The following NKAIN1 variants were observed in gnomAD, a reference collection of about 807,000 sequenced individuals.
NKAIN1 encodes the protein sodium/potassium transporting ATPase interacting 1.
A neutral mutation model predicts 31.6 loss-of-function variants in NKAIN1; 13 were observed. That is an observed-to-expected ratio of 0.41 (90% CI 0.27 to 0.65). The LOEUF (loss-of-function observed/expected upper bound fraction) is 0.65. NKAIN1 is among the 30% of genes least tolerant of loss of function. The pLI is 0.30. For synonymous variants in NKAIN1, 104 were observed against 109.0 expected (o/e 0.95, Z 0.28); for missense variants, 193 against 262.2 (o/e 0.74, Z 1.82).
chr1:31,218,435 C>G (rs1312898347), intron 1 of NKAIN1, among the ~76,000 whole-genome samples: 2 of 152,156 alleles, frequency 1.3e-5, no homozygotes, highest in Non-Finnish European at 2.9e-5. Flanking sequence ...GATTCTCTCA[C>G]TGAATTTGCT....
At chr1:31,231,994 C>T (rs1645653412) in intron 1 of NKAIN1, among the ~76,000 whole-genome samples, 3 of 151,684 alleles carry the variant, frequency 2.0e-5, no homozygotes, top group Admixed American at 2.0e-4. Context: ...TCATGGCTCA[C>T]TGCAGCCTCA....
intron 1 of NKAIN1, among the ~76,000 whole-genome samples, chr1:31,198,354 T>C (rs1645347191): frequency 6.6e-6 from 1 of 152,176 alleles, no homozygotes; most frequent in Non-Finnish European, 1.5e-5. Context: ...AGCTGCATTC[T>C]AACCAATGAC....
chr1:31,184,109 A>G, intron 3 of NKAIN1, 95 bp from the exon 4 acceptor site: 2 of 1,104,622 alleles, frequency 1.8e-6, no homozygotes, highest in South Asian at 3.2e-5. Flanking sequence ...CGGTGAAGGG[A>G]TTCAGGGAGC....
intron 2 of NKAIN1, among the ~76,000 whole-genome samples, chr1:31,187,046 G>A (rs1446710843): frequency 6.6e-6 from 1 of 152,180 alleles, no homozygotes; most frequent in Non-Finnish European, 1.5e-5. Context: ...TGGTGTCTGG[G>A]GCTTTCCTGA....
intron 1 of NKAIN1, among the ~76,000 whole-genome samples, chr1:31,194,381 T>C (rs1375590190): frequency 1.3e-5 from 2 of 151,596 alleles, no homozygotes; most frequent in Non-Finnish European, 2.9e-5. Context: ...CTTCCCTTTT[T>C]CTTTCCTTTT....
At chr1:31,189,098 G>A (rs1303273058) in intron 1 of NKAIN1, among the ~76,000 whole-genome samples, 3 of 151,896 alleles carry the variant, frequency 2.0e-5, no homozygotes, top group East Asian at 1.9e-4. Context: ...TTGTGAACAA[G>A]CCCCAGCTGA....
intron 1 of NKAIN1, among the ~76,000 whole-genome samples, chr1:31,224,009 T>G (rs1290162146): frequency 6.6e-6 from 1 of 152,206 alleles, no homozygotes; most frequent in African/African-American, 2.4e-5. Context: ...TAACTCAGTA[T>G]GCAAGACAGA....
intron 2 of NKAIN1, among the ~76,000 whole-genome samples, chr1:31,186,394 GTTT>G (rs11303246): frequency 8.2e-5 from 8 of 97,272 alleles, no homozygotes; most frequent in Non-Finnish European, 1.4e-4. Flanking sequence ...ATTCTTTTGT[GTTT>G]TTTTTTTTTT....
chr1:31,227,742 T>C (rs1645618674), intron 1 of NKAIN1, among the ~76,000 whole-genome samples: 1 of 152,164 alleles, frequency 6.6e-6, no homozygotes, highest in African/African-American at 2.4e-5. Flanking sequence ...GATTCCATGA[T>C]AGCGTGAGAT....
chr1:31,181,428 A>G lies in NKAIN1; in HGVS notation c.*275T>C. The G allele has an allele frequency of 2.6e-6, 1 of 388,302 alleles. No individual in the cohort carries two copies. Among genetic ancestry groups the G allele is most frequent in the Non-Finnish European group, 4.6e-6 (1 of 219,496 alleles). 24.1% of individuals were successfully genotyped at this position (388,302 alleles called of 1,614,324 possible). On this transcript the variant is annotated 3_prime_UTR_variant, in exon 7 of 7. Coordinates refer to ENST00000373736, the MANE Select transcript of NKAIN1 (RefSeq NM_024522.3). ...GGCCCCAGCTCACGCCAAGGCTGAGATTAAAAACAAACAAACAAAAAACAA... is the reference window on the plus strand; with the variant it reads ...GGCCCCAGCTCACGCCAAGGCTGAGGTTAAAAACAAACAAACAAAAAACAA...
intron 1 of NKAIN1, among the ~76,000 whole-genome samples, chr1:31,214,212 A>C (rs1183149875): frequency 6.6e-6 from 1 of 152,118 alleles, no homozygotes; most frequent in Admixed American, 6.5e-5. Context: ...CCACTTATAC[A>C]AAATGTCCAG....
At chr1:31,227,456 G>A (rs1645616681) in intron 1 of NKAIN1, among the ~76,000 whole-genome samples, 1 of 152,186 alleles carries the variant, frequency 6.6e-6, no homozygotes, top group African/African-American at 2.4e-5. Context: ...TGAAATAGAG[G>A]TAGTAGCTGT....
chr1:31,194,611 T>C (rs1214986553), intron 1 of NKAIN1, among the ~76,000 whole-genome samples: 2 of 151,722 alleles, frequency 1.3e-5, no homozygotes, highest in Non-Finnish European at 2.9e-5. Context: ...TTCTCCATGT[T>C]GGTCAGGCTG....
At chr1:31,212,203 A>C (rs748235038) in intron 1 of NKAIN1, among the ~76,000 whole-genome samples, 2 of 152,122 alleles carry the variant, frequency 1.3e-5, no homozygotes, top group Non-Finnish European at 2.9e-5. Context: ...CAATGGAGAA[A>C]GCATAGTTTT....
At chr1:31,183,433 CCTCT>C (rs1557648271) in intron 4 of NKAIN1, among the ~76,000 whole-genome samples, 6 of 115,366 alleles carry the variant, frequency 5.2e-5, no homozygotes, top group African/African-American at 2.2e-4. Context: ...AGGTTCATTC[CCTCT>C]TTTTTTTTTT....
intron 1 of NKAIN1, among the ~76,000 whole-genome samples, chr1:31,222,514 G>A (rs1645571849): frequency 6.6e-6 from 1 of 152,232 alleles, no homozygotes; most frequent in South Asian, 2.1e-4. Flanking sequence ...ACCCATCTGG[G>A]GGTGGTGACC....
intron 1 of NKAIN1, among the ~76,000 whole-genome samples, chr1:31,197,733 GAT>G (rs1645342071): frequency 6.6e-6 from 1 of 151,260 alleles, no homozygotes; most frequent in African/African-American, 2.4e-5. Flanking sequence ...TTTTAGTAGA[GAT>G]GGGGTTTCAC....
chr1:31,194,812 C>G (rs925477765), intron 1 of NKAIN1, among the ~76,000 whole-genome samples: 3 of 142,178 alleles, frequency 2.1e-5, no homozygotes, highest in African/African-American at 7.8e-5. Context: ...CATTCTGTCA[C>G]CCAGGCTGGA....
At chr1:31,232,424 TAGAGAGAGAGAGAGAGAG>T (rs34605060) in intron 1 of NKAIN1, among the ~76,000 whole-genome samples, 5 of 16,908 alleles carry the variant, frequency 3.0e-4, no homozygotes, top group African/African-American at 5.2e-4. Flanking sequence ...TATATATATA[TAGAGAGAGAGAGAGAGAG>T]AGAGAGAGAG....
Sources: allele counts gnomAD v4.1 joint callset (sites outside exome capture counted in the v4.1 genomes callset), GRCh38; gene constraint gnomAD v4.1.1; transcripts MANE v1.5; gene names NCBI Gene and HGNC (gene_info 2026-07-23, HGNC 2026-07-21).